IGF2R: variants seen among roughly 807,000 people sequenced by gnomAD.
The protein encoded by IGF2R is insulin like growth factor 2 receptor, also known as cation-independent mannose-6-phosphate receptor.
IGF2R carries 91 observed loss-of-function variants against 270.6 expected under a neutral mutation model. The observed-to-expected ratio is 0.34, with a 90% CI of 0.28 to 0.40. IGF2R has a LOEUF of 0.40. Among genes scored for constraint, IGF2R ranks in the 10% least tolerant of loss-of-function variants. The probability of loss-of-function intolerance (pLI) is 1.00; values close to 1 mark genes in which losing one functional copy is unlikely to be tolerated. For missense variants in IGF2R, 2,805 were observed against 3,188.3 expected (o/e 0.88, Z 2.90); for synonymous variants, 1,316 against 1,258.9 (o/e 1.05, Z -0.96).
In IGF2R at chr6:160,063,557, C is replaced by T. The variant is rs772157296; in HGVS notation, c.3813C>T (p.Pro1271=). 7 of 1,614,116 alleles carry T rather than the reference C, an allele frequency of 4.3e-6. No individual in the cohort carries two copies. In the African/African-American group the frequency reaches 6.7e-5, roughly 15 times the overall value. Reference sequence around the variant, plus strand: ...GGAAGCTTTCCTCAGACGTCTGCCCCACAAGTGACAAGTCCAAGGTGGTCT... The same window carrying T: ...GGAAGCTTTCCTCAGACGTCTGCCCTACAAGTGACAAGTCCAAGGTGGTCT... ...VCGKLSSDVC[P]TSDKSKVVSS... The change falls in exon 27 of 48, where the codon CCC becomes CCT. Residue 1271 remains proline (P), a synonymous_variant. Transcript: ENST00000356956.
chr6:160,029,621 C>A lies in IGF2R; in HGVS notation c.848C>A (p.Thr283Asn), dbSNP rs771263817. 1 of 1,614,014 alleles carries A rather than the reference C, an allele frequency of 6.2e-7. No homozygotes were observed. The highest frequency in any genetic ancestry group is 1.1e-5 in the South Asian group (1 of 91,076). The change falls in exon 7 of 48, where the codon ACT becomes AAT. Residue 283 changes from threonine (T) to asparagine (N), a missense_variant. Thr to Asn is a moderately conservative substitution (Grantham distance 65). Around this residue, in one of 2 missense-constraint regions of IGF2R, gnomAD observed 954 missense variants for 981.1 expected, o/e 0.97. Transcript: ENST00000356956. ...TGTGATGGTCACAGCCCTGCGGTGA[C>A]TATTACATTTGTTTGCCCGTCGGAG... is the stretch of plus-strand genomic sequence containing the variant. The part of the protein sequence containing the change: ...DFCDGHSPAV[T>N]ITFVCPSERR...
intron 30 of IGF2R, 30 bp from the exon 31 acceptor site, chr6:160,069,838 G>C (rs778647994): frequency 6.2e-6 from 10 of 1,607,700 alleles, no homozygotes; most frequent in Admixed American, 1.7e-5. Flanking sequence ...AGTCACTAAA[G>C]GCAACTCTTT....
rs909681641 is a variant in IGF2R at position 160,102,221 on chromosome 6, G to A, written c.6843-298G>A. Among the ~76,000 whole-genome samples, 4 of 152,216 alleles carry A rather than the reference G, an allele frequency of 2.6e-5. No individual in the cohort carries two copies. Among genetic ancestry groups the A allele is most frequent in the African/African-American group, 4.8e-5 (2 of 41,456 alleles). On this transcript the variant is annotated intron_variant, in intron 45 of 47. Transcript: ENST00000356956. This position sits in a 1 kb window ranked among gnomAD's most constrained non-coding sequence, Gnocchi z 4.5. ...CCGTGGATTGGGCCACCTAGAGGGG[G>A]CCGCGTCCCTCCTGCCTGTCTCCTC...
At chr6:160,065,808 G>GTATATATATA (rs1469370137) in intron 29 of IGF2R, among the ~76,000 whole-genome samples, 9 of 55,134 alleles carry the variant, frequency 1.6e-4, no homozygotes, top group South Asian at 8.0e-4. Context: ...GTGTGTGTGT[G>GTATATATATA]TGTGTGTATA....
chr6:160,100,405 A>G (rs1779455921), intron 45 of IGF2R, among the ~76,000 whole-genome samples: 4 of 152,050 alleles, frequency 2.6e-5, no homozygotes, highest in South Asian at 4.1e-4. Flanking sequence ...GAGGGTCATT[A>G]TAATTTTAAA....
intron 46 of IGF2R, 134 bp from the exon 47 acceptor site, chr6:160,103,612 C>G (rs906830889): frequency 1.5e-6 from 1 of 672,222 alleles, no homozygotes; most frequent in Middle Eastern, 3.5e-4. Context: ...ACTCATTTGT[C>G]ATTCAGAATG....
Position 160,048,548 on chromosome 6 carries a change from A to G in IGF2R, c.2514+5A>G, listed in dbSNP as rs758577635. On this transcript the variant is annotated splice_donor_5th_base_variant and intron_variant, in intron 18 of 47. Transcript: ENST00000356956. Reference sequence around the variant, plus strand: ...ATGAAGTATGAAAAAGATCAGGTGAATCTGTTTTCACTGCTTGTCTCCTTT... The same window carrying G: ...ATGAAGTATGAAAAAGATCAGGTGAGTCTGTTTTCACTGCTTGTCTCCTTT... The G allele has an allele frequency of 8.1e-6, 13 of 1,612,608 alleles. 1 individual carries two copies. In the South Asian group the frequency reaches 1.4e-4, roughly 18 times the overall value.
intron 35 of IGF2R, among the ~76,000 whole-genome samples, chr6:160,075,112 CCACATGCACACA>C (rs1433959003): frequency 2.0e-5 from 3 of 151,652 alleles, no homozygotes; most frequent in African/African-American, 7.3e-5. Flanking sequence ...ACACTCACAC[CCACATGCACACA>C]CACGTGCATG....
rs879058804 is a variant in IGF2R, at chr6:160,068,065, G to GGT, written c.4116-142_4116-141dup. On this transcript the variant is annotated intron_variant, in intron 29 of 47. Coordinates refer to ENST00000356956, the MANE Select transcript of IGF2R (RefSeq NM_000876.4). ...TATGTTGTTGCTGATTCTGATGGGGGGTGTGTGTGTGTGTGTGTGTGTGTG... is the reference window on the plus strand; with the variant it reads ...TATGTTGTTGCTGATTCTGATGGGGGGTGTGTGTGTGTGTGTGTGTGTGTGTG... Among the ~76,000 whole-genome samples the GGT allele has an allele frequency of 1.5e-3, 117 of 77,470 alleles. 2 individuals are homozygous for GGT. The highest frequency in any genetic ancestry group is 2.5e-3 in the African/African-American group (49 of 19,844). 50.8% of individuals were successfully genotyped at this position (77,470 alleles called of 152,430 possible).
chr6:159,992,372 C>G (rs958363159), intron 2 of IGF2R, among the ~76,000 whole-genome samples: 2 of 152,150 alleles, frequency 1.3e-5, no homozygotes, highest in African/African-American at 4.8e-5. Context: ...TCCTCACCCC[C>G]CAACCTTTCT....
At chr6:160,079,510 GT>G (rs1447078338) in intron 37 of IGF2R, 69 bp from the exon 38 acceptor site, 14 of 1,112,522 alleles carry the variant, frequency 1.3e-5, no homozygotes, top group Non-Finnish European at 1.7e-5. Flanking sequence ...AGCTGCAATA[GT>G]GGTTCTCTCT....
chr6:160,044,378 A>G (rs1178902694), intron 12 of IGF2R, 136 bp from the exon 13 acceptor site: 6 of 792,994 alleles, frequency 7.6e-6, no homozygotes, highest in Non-Finnish European at 1.2e-5. Context: ...GGGGCTGGAG[A>G]AGGGCTGCAC....
chr6:160,085,419 C>T (rs1779079283), intron 41 of IGF2R, among the ~76,000 whole-genome samples: 1 of 152,188 alleles, frequency 6.6e-6, no homozygotes, highest in South Asian at 2.1e-4. Flanking sequence ...CAGAGTTCCT[C>T]TGAAGTTCAC....
Position 160,045,805 on chromosome 6 carries a change from T to C in IGF2R, c.1826T>C (p.Phe609Ser). 1 of 1,613,960 alleles carries C rather than the reference T, an allele frequency of 6.2e-7. No individual in the cohort carries two copies. Among genetic ancestry groups the C allele is most frequent in the Non-Finnish European group, 8.5e-7 (1 of 1,179,908 alleles). ...GGGGAAGGCGGTTGCTTTTATGAGT[T>C]TGAGTGGCACACAGCTGCGGCCTGT... is the stretch of plus-strand genomic sequence containing the variant. The part of the protein sequence containing the change: ...TSGEGGCFYE[F>S]EWHTAAACVL... Residue 609 changes from phenylalanine to serine, a missense_variant, in exon 14 of 48, where the codon TTT (phenylalanine) becomes TCT (serine). By Grantham distance (155) the Phe-to-Ser change is radical. This residue lies in a region of IGF2R where 954 missense variants were observed against 981.1 expected (regional missense o/e 0.97). Transcript: ENST00000356956.
intron 29 of IGF2R, 82 bp from the exon 30 acceptor site, chr6:160,068,167 C>A: frequency 4.2e-5 from 61 of 1,441,944 alleles, no homozygotes; most frequent in Middle Eastern, 1.9e-4. Context: ...TGCCTGAATA[C>A]TTGAACGTTT....
intron 11 of IGF2R, among the ~76,000 whole-genome samples, chr6:160,042,063 A>G (rs1430643952): frequency 6.6e-6 from 1 of 151,404 alleles, no homozygotes; most frequent in Non-Finnish European, 1.5e-5. Flanking sequence ...GGAGAGATAC[A>G]TTTTTCAATC....
In IGF2R at chr6:160,085,008, C is replaced by A; in HGVS notation, c.6082C>A (p.Leu2028Met). 1 of 1,614,074 alleles carries A rather than the reference C, an allele frequency of 6.2e-7. No homozygotes were observed. The highest frequency in any genetic ancestry group is 8.5e-7 in the Non-Finnish European group (1 of 1,179,970). The change falls in exon 41 of 48, where the codon CTG becomes ATG. Residue 2028 changes from leucine (L) to methionine (M), a missense_variant. Physicochemically the swap from Leu to Met is conservative, Grantham distance 15. Transcript: ENST00000356956. Reference protein sequence around the residue: ...VHNGVSYYINLCQKIYKGPLG... With the variant: ...VHNGVSYYINMCQKIYKGPLG... ...GTCGTTTTCTAGGTACTATATAAAT[C>A]TGTGCCAGAAAATATATAAAGGGCC...
intron 1 of IGF2R, among the ~76,000 whole-genome samples, chr6:159,973,274 T>C (rs142837990): frequency 6.6e-6 from 1 of 152,362 alleles, no homozygotes; most frequent in African/African-American, 2.4e-5. Context: ...TGTCATATTA[T>C]ATATGTAATA....
chr6:159,978,953 G>A, intron 1 of IGF2R, among the ~76,000 whole-genome samples: 1 of 150,070 alleles, frequency 6.7e-6, no homozygotes, highest in African/African-American at 2.4e-5. Flanking sequence ...TCCTTCACTG[G>A]GAGAGGTGTA....
Sources: allele counts gnomAD v4.1 joint callset (sites outside exome capture counted in the v4.1 genomes callset), GRCh38; gene constraint gnomAD v4.1.1; regional missense constraint gnomAD v4.1.1; non-coding constraint Gnocchi (gnomAD v3.1); transcripts MANE v1.5; gene names NCBI Gene and HGNC (gene_info 2026-07-23, HGNC 2026-07-21).